Variants in RUSC2 observed in about 807,000 individuals in gnomAD.
RUSC2 encodes AP-4 complex accessory subunit RUSC2.
A neutral mutation model predicts 122.2 loss-of-function variants in RUSC2; 34 were observed. That is an observed-to-expected ratio of 0.28 (90% confidence interval 0.21 to 0.37). RUSC2 has a LOEUF of 0.37. Ranked by LOEUF, RUSC2 falls within the 10% of genes least tolerant of loss-of-function variation. The probability of loss-of-function intolerance (pLI) is 1.00; values close to 1 mark genes in which losing one functional copy is unlikely to be tolerated. For missense variants in RUSC2, 1,747 were observed against 1,952.4 expected (o/e 0.89, Z 1.98); for synonymous variants, 784 against 790.0 (o/e 0.99, Z 0.13).
At chr9:35,533,904 A>G (rs1259941406) in intron 1 of RUSC2, among the ~76,000 whole-genome samples, 1 of 152,226 alleles carries the variant, frequency 6.6e-6, no homozygotes, top group Non-Finnish European at 1.5e-5. Flanking sequence ...GACTATCATG[A>G]ATAATGCTAC....
intron 1 of RUSC2, among the ~76,000 whole-genome samples, chr9:35,512,379 T>C (rs1432453123): frequency 6.6e-6 from 1 of 152,206 alleles, no homozygotes; most frequent in Non-Finnish European, 1.5e-5. Context: ...ACATTTAGCT[T>C]TCTCAATGAA....
chr9:35,546,212 C>A lies in RUSC2; in HGVS notation c.-92-218C>A, dbSNP rs1474561387. 6.6e-6 allele frequency among the ~76,000 whole-genome samples: 1 copy of A among 152,132 alleles called. No individual in the cohort carries two copies. Among genetic ancestry groups the A allele is most frequent in the Non-Finnish European group, 1.5e-5 (1 of 68,026 alleles). On this transcript the variant is annotated intron_variant, in intron 1 of 11. Transcript: ENST00000361226. This position sits in a 1 kb window ranked among gnomAD's most constrained non-coding sequence, Gnocchi z 4.3. Reference sequence around the variant, plus strand: ...TTTGTCATAATTTGATGCATAGTGACCTTAAAATTAAGGGGGACCTCAGGT... The same window carrying A: ...TTTGTCATAATTTGATGCATAGTGAACTTAAAATTAAGGGGGACCTCAGGT...
chr9:35,547,852 A>C lies in RUSC2; in HGVS notation c.1331A>C (p.Glu444Ala), dbSNP rs548918240. ...GACCCAGGCCCCAGCCAGCCCTCTG[A>C]GTATTACCTATTCCAGAAGCCAGAA... ...GPDPGPSQPS[E>A]YYLFQKPEVQ... The change falls in exon 2 of 12, where the codon GAG becomes GCG. Residue 444 changes from glutamate (E) to alanine (A), a missense_variant. Physicochemically the swap from Glu to Ala is moderately radical, Grantham distance 107. Transcript: ENST00000361226. This position sits in a 1 kb window ranked among gnomAD's most constrained non-coding sequence, Gnocchi z 4.6. 1.2e-6 allele frequency: 2 copies of C among 1,614,158 alleles called. No homozygotes were observed. Among genetic ancestry groups the C allele is most frequent in the South Asian group, 2.2e-5 (2 of 91,086 alleles).
rs764185243 is a variant in RUSC2 at position 35,558,334 on chromosome 9, C to G, written c.3198C>G (p.Asn1066Lys). The change falls in exon 7 of 12, where the codon AAC (asparagine) becomes AAG (lysine). Residue 1066 changes from asparagine (N) to lysine (K), a missense_variant. Transcript: ENST00000361226. The surrounding 1 kb of genome is among the most constrained non-coding windows in gnomAD (Gnocchi z 4.3). ...VLDVIIGQRK[N>K]MPWSVVEAST... ...ACGTCATCATCGGGCAGCGTAAGAA[C>G]ATGCCATGGAGTGTGGTTGAGGCTT... 9 of 1,614,210 alleles carry G rather than the reference C, an allele frequency of 5.6e-6. No homozygotes were observed. Among genetic ancestry groups the G allele is most frequent in the Non-Finnish European group, 7.6e-6 (9 of 1,180,034 alleles).
At chr9:35,535,534 C>CTTTTTTT (rs1174623935) in intron 1 of RUSC2, among the ~76,000 whole-genome samples, 1 of 130,122 alleles carries the variant, frequency 7.7e-6, no homozygotes, top group Non-Finnish European at 1.6e-5. Context: ...AGGAGCTTCT[C>CTTTTTTT]TTTTTTTTTT....
In RUSC2 at chr9:35,548,746, C is replaced by G. The variant is rs1022105224; in HGVS notation, c.2014+211C>G. The G allele has an allele frequency of 1.0e-6, 1 of 985,204 alleles. No individual in the cohort carries two copies. Among genetic ancestry groups the G allele is most frequent in the Non-Finnish European group, 1.2e-6 (1 of 829,790 alleles). The allele number at this position is 985,204 out of a possible 1,614,324, so 61.0% of individuals were successfully genotyped here. ...ACAGAGGACTCAAAAATACACTGAGCAGACTGGGTGCAGTGACTCACACCT... is the reference window on the plus strand; with the variant it reads ...ACAGAGGACTCAAAAATACACTGAGGAGACTGGGTGCAGTGACTCACACCT... On this transcript the variant is annotated intron_variant, in intron 2 of 11. Coordinates refer to ENST00000361226, the MANE Select transcript of RUSC2 (RefSeq NM_014806.5). This position sits in a 1 kb window ranked among gnomAD's most constrained non-coding sequence, Gnocchi z 4.5.
rs1821997567 is a variant in RUSC2 at position 35,555,578 on chromosome 9, G to A, written c.2533G>A (p.Glu845Lys). 1 of 1,613,994 alleles carries A rather than the reference G, an allele frequency of 6.2e-7. No homozygotes were observed. The highest frequency in any genetic ancestry group is 1.1e-5 in the South Asian group (1 of 91,084). The change falls in exon 3 of 12, where the codon GAG becomes AAG. Residue 845 changes from glutamate to lysine, a missense_variant. Transcript: ENST00000361226. This position sits in a 1 kb window ranked among gnomAD's most constrained non-coding sequence, Gnocchi z 4.6. The part of the protein sequence containing the change: ...KEDQKILTLT[E>K]YRLHGTGSLP... Reference sequence around the variant, plus strand: ...GGATCAGAAGATACTGACCTTGACTGAGTACCGGCTCCATGGAACAGGAAG... The same window carrying A: ...GGATCAGAAGATACTGACCTTGACTAAGTACCGGCTCCATGGAACAGGAAG...
chr9:35,492,756 A>G (rs1441215041), intron 1 of RUSC2, among the ~76,000 whole-genome samples: 1 of 152,144 alleles, frequency 6.6e-6, no homozygotes, highest in Non-Finnish European at 1.5e-5. Context: ...TTGTACAACC[A>G]TTACTGATAA....
intron 1 of RUSC2, among the ~76,000 whole-genome samples, chr9:35,498,168 T>C (rs1298280460): frequency 6.6e-6 from 1 of 152,064 alleles, no homozygotes; most frequent in African/African-American, 2.4e-5. Context: ...GTTTTTTTTT[T>C]TTCCCAATTT....
chr9:35,492,978 T>G (rs1484155553), intron 1 of RUSC2, among the ~76,000 whole-genome samples: 1 of 151,856 alleles, frequency 6.6e-6, no homozygotes, highest in Non-Finnish European at 1.5e-5. Flanking sequence ...CCTTTTTTTG[T>G]TTTTTGGGTT....
chr9:35,497,511 A>G (rs1286171545), intron 1 of RUSC2, among the ~76,000 whole-genome samples: 1 of 152,122 alleles, frequency 6.6e-6, no homozygotes, highest in East Asian at 1.9e-4. Flanking sequence ...CATATATCCG[A>G]ATACTATATG....
At chr9:35,508,942 C>T (rs1028992134) in intron 1 of RUSC2, among the ~76,000 whole-genome samples, 12 of 152,116 alleles carry the variant, frequency 7.9e-5, no homozygotes, top group African/African-American at 2.9e-4. Context: ...TAACAAATAG[C>T]ACCAACATAA....
intron 1 of RUSC2, among the ~76,000 whole-genome samples, chr9:35,537,983 G>C (rs928417965): frequency 6.6e-6 from 1 of 152,172 alleles, no homozygotes; most frequent in Non-Finnish European, 1.5e-5. Flanking sequence ...GAGGAGGCTG[G>C]AGCAGGGAAG....
intron 2 of RUSC2, among the ~76,000 whole-genome samples, chr9:35,550,340 C>A (rs774264863): frequency 6.6e-6 from 1 of 151,930 alleles, no homozygotes. Flanking sequence ...TGGTAGCTGG[C>A]ACTTGCTGGG....
At chr9:35,536,623 G>A (rs1821532180) in intron 1 of RUSC2, among the ~76,000 whole-genome samples, 1 of 151,892 alleles carries the variant, frequency 6.6e-6, no homozygotes, top group South Asian at 2.1e-4. Flanking sequence ...AACAAGCCTG[G>A]CCAACATGGC....
intron 1 of RUSC2, among the ~76,000 whole-genome samples, chr9:35,498,703 A>C (rs890939996): frequency 1.3e-5 from 2 of 150,818 alleles, no homozygotes; most frequent in African/African-American, 4.9e-5. Flanking sequence ...CTAAAATTCA[A>C]AAAAAAAATT....
At chr9:35,531,843 G>C (rs1821424863) in intron 1 of RUSC2, among the ~76,000 whole-genome samples, 1 of 152,148 alleles carries the variant, frequency 6.6e-6, no homozygotes, top group Admixed American at 6.5e-5. Context: ...GGCTAACACA[G>C]TGAAACCCCT....
chr9:35,536,869 TGAG>T (rs1821540519), intron 1 of RUSC2, among the ~76,000 whole-genome samples: 1 of 131,894 alleles, frequency 7.6e-6, no homozygotes, highest in African/African-American at 2.8e-5. Context: ...AAAGCCAAAA[TGAG>T]GAGGCTCAAC....
intron 1 of RUSC2, among the ~76,000 whole-genome samples, chr9:35,494,784 T>A (rs1820644170): frequency 6.6e-6 from 1 of 150,906 alleles, no homozygotes. Context: ...CGAAAGTTTT[T>A]AAATTTGAAA....
Sources: allele counts gnomAD v4.1 joint callset (sites outside exome capture counted in the v4.1 genomes callset), GRCh38; gene constraint gnomAD v4.1.1; non-coding constraint Gnocchi (gnomAD v3.1); transcripts MANE v1.5; gene names NCBI Gene and HGNC (gene_info 2026-07-23, HGNC 2026-07-21).